GRIA4: variants seen among roughly 807,000 people sequenced by gnomAD.
GRIA4 encodes the protein glutamate ionotropic receptor AMPA type subunit 4, also known as glutamate receptor 4.
Under a neutral mutation model 104.0 loss-of-function variants are expected in GRIA4, and 34 were observed. The observed-to-expected ratio is 0.33, with a 90% CI of 0.25 to 0.44. The LOEUF (loss-of-function observed/expected upper bound fraction) is 0.44. Among genes scored for constraint, GRIA4 ranks in the 20% least tolerant of loss-of-function variants. The pLI is 1.00. For missense variants in GRIA4, 750 were observed against 1,096.5 expected, an observed-to-expected ratio of 0.68 and a Z score of 4.46; for synonymous variants, 386 against 381.9, an observed-to-expected ratio of 1.01 and a Z score of -0.13.
At chr11:105,693,793 C>T (rs1953172385) in intron 3 of GRIA4, among the ~76,000 whole-genome samples, 1 of 152,022 alleles carries the variant, frequency 6.6e-6, no homozygotes, top group African/African-American at 2.4e-5. Flanking sequence ...AAATTACAAC[C>T]CATGAACCAA....
intron 10 of GRIA4, among the ~76,000 whole-genome samples, chr11:105,916,369 C>A (rs1192979432): frequency 6.6e-6 from 1 of 152,102 alleles, no homozygotes; most frequent in East Asian, 1.9e-4. Flanking sequence ...ACATGAAGAA[C>A]TTTACATTGT....
chr11:105,933,722 A>G lies in GRIA4; in HGVS notation c.2047A>G (p.Arg683Gly). 6.4e-7 allele frequency: 1 copy of G among 1,565,724 alleles called. No individual in the cohort carries two copies. Among genetic ancestry groups the G allele is most frequent in the Non-Finnish European group, 8.7e-7 (1 of 1,150,310 alleles). ...DSGSTKEFFR[R>G]SKIAVYEKMW... Reference sequence around the variant, plus strand: ...TTAATTTTATTTTAATTTCCTCCAGAGATCAAAAATAGCAGTGTATGAAAA... The same window carrying G: ...TTAATTTTATTTTAATTTCCTCCAGGGATCAAAAATAGCAGTGTATGAAAA... Residue 683 changes from arginine to glycine, a missense_variant and splice_region_variant, in exon 14 of 17, where the codon AGA (arginine) becomes GGA (glycine). Physicochemically the swap from Arg to Gly is moderately radical, Grantham distance 125. Around this residue, in one of 3 missense-constraint regions of GRIA4, gnomAD observed 272 missense variants for 524.5 expected, o/e 0.52. Transcript: ENST00000282499.
intron 11 of GRIA4, among the ~76,000 whole-genome samples, chr11:105,922,049 A>G (rs73544612): frequency 0.083 from 12,652 of 152,158 alleles, 577 homozygotes; most frequent in African/African-American, 0.1. Flanking sequence ...TGGAAACAAA[A>G]CAATTGATGA....
chr11:105,789,315 G>A (rs1283664996), intron 4 of GRIA4, among the ~76,000 whole-genome samples: 1 of 152,144 alleles, frequency 6.6e-6, no homozygotes, highest in Non-Finnish European at 1.5e-5. Context: ...TGAGGGTAGA[G>A]TCTCATCAAT....
chr11:105,828,021 G>A (rs1452099623), intron 4 of GRIA4, among the ~76,000 whole-genome samples: 1 of 151,884 alleles, frequency 6.6e-6, no homozygotes, highest in East Asian at 1.9e-4. Context: ...GTGGGAACAG[G>A]GCAGTTTTTT....
chr11:105,672,666 T>C (rs1432708329), intron 3 of GRIA4, among the ~76,000 whole-genome samples: 1 of 152,116 alleles, frequency 6.6e-6, no homozygotes, highest in East Asian at 1.9e-4. Context: ...TGATGACTTC[T>C]TCAAAGCCAA....
intron 9 of GRIA4, among the ~76,000 whole-genome samples, chr11:105,906,503 T>C (rs1947045843): frequency 6.6e-6 from 1 of 152,136 alleles, no homozygotes; most frequent in South Asian, 2.1e-4. Context: ...TAAGGTGATA[T>C]ATGGAAAATG....
intron 3 of GRIA4, among the ~76,000 whole-genome samples, chr11:105,721,677 A>G (rs1257616237): frequency 6.6e-6 from 1 of 152,206 alleles, no homozygotes; most frequent in Admixed American, 6.5e-5. Flanking sequence ...AAGCAATTAC[A>G]CAAATTACTT....
chr11:105,859,991 G>A (rs1321685713), intron 4 of GRIA4, among the ~76,000 whole-genome samples: 1 of 152,088 alleles, frequency 6.6e-6, no homozygotes, highest in Non-Finnish European at 1.5e-5. Flanking sequence ...TGGGAAACAA[G>A]AGAAAGAATG....
intron 7 of GRIA4, among the ~76,000 whole-genome samples, chr11:105,902,335 T>C (rs965028760): frequency 6.6e-6 from 1 of 151,892 alleles, no homozygotes; most frequent in African/African-American, 2.4e-5. Flanking sequence ...CTTTTCTTTT[T>C]TTTTTTTCTT....
intron 13 of GRIA4, among the ~76,000 whole-genome samples, chr11:105,929,135 A>G: frequency 6.6e-6 from 1 of 152,008 alleles, no homozygotes; most frequent in East Asian, 1.9e-4. Flanking sequence ...TTCATTTCCT[A>G]CCCTGTTTGC....
intron 5 of GRIA4, among the ~76,000 whole-genome samples, chr11:105,867,413 A>G (rs981648910): frequency 6.6e-6 from 1 of 152,230 alleles, no homozygotes; most frequent in African/African-American, 2.4e-5. Flanking sequence ...GGTCAAATGC[A>G]TGGCAATACT....
intron 4 of GRIA4, among the ~76,000 whole-genome samples, chr11:105,769,675 A>G (rs952129432): frequency 1.3e-5 from 2 of 152,098 alleles, no homozygotes; most frequent in African/African-American, 4.8e-5. Flanking sequence ...TTCGTCTTTC[A>G]GAATTATAAC....
intron 5 of GRIA4, among the ~76,000 whole-genome samples, chr11:105,875,925 C>G (rs1945803047): frequency 6.6e-6 from 1 of 152,014 alleles, no homozygotes; most frequent in South Asian, 2.1e-4. Context: ...CAGTTCTGCT[C>G]TGATCTTAGT....
At chr11:105,916,956 TA>T (rs945133423) in intron 10 of GRIA4, among the ~76,000 whole-genome samples, 41 of 152,038 alleles carry the variant, frequency 2.7e-4, no homozygotes, top group African/African-American at 9.2e-4. Flanking sequence ...AAGGTTATTT[TA>T]AAAAAAAGAG....
chr11:105,910,236 A>G (rs1718929414), intron 9 of GRIA4, among the ~76,000 whole-genome samples, 199 bp from the exon 10 acceptor site: 1 of 152,112 alleles, frequency 6.6e-6, no homozygotes, highest in African/African-American at 2.4e-5. Flanking sequence ...ATGTAACAAG[A>G]CAGGATCCTT....
chr11:105,895,753 C>T (rs1463969316), intron 6 of GRIA4, among the ~76,000 whole-genome samples: 1 of 152,130 alleles, frequency 6.6e-6, no homozygotes, highest in Non-Finnish European at 1.5e-5. Context: ...ATCTGGTGGA[C>T]ACCATCTTTT....
intron 3 of GRIA4, among the ~76,000 whole-genome samples, chr11:105,618,700 G>A (rs1950663028): frequency 6.6e-6 from 1 of 151,928 alleles, no homozygotes; most frequent in South Asian, 2.1e-4. Context: ...TGTGTCTGGA[G>A]CTTTTGGGTT....
At chr11:105,960,902 A>G (rs1221772127) in intron 14 of GRIA4, among the ~76,000 whole-genome samples, 5 of 152,136 alleles carry the variant, frequency 3.3e-5, no homozygotes, top group African/African-American at 1.2e-4. Context: ...CCACCACACC[A>G]CAGTGCTCTT....
Sources: allele counts gnomAD v4.1 joint callset (sites outside exome capture counted in the v4.1 genomes callset), GRCh38; gene constraint gnomAD v4.1.1; regional missense constraint gnomAD v4.1.1; transcripts MANE v1.5; gene names NCBI Gene and HGNC (gene_info 2026-07-23, HGNC 2026-07-21).